Variants in DNA2 observed in about 807,000 individuals in gnomAD.
DNA2 encodes the protein DNA replication ATP-dependent helicase/nuclease DNA2.
Under a neutral mutation model 119.1 loss-of-function variants are expected in DNA2, and 101 were observed. The observed-to-expected ratio is 0.85, with a 90% confidence interval of 0.72 to 1.00. DNA2 has a LOEUF of 1.00. Ranked by LOEUF, DNA2 falls within the 50% of genes least tolerant of loss-of-function variation. The pLI, the probability that DNA2 is intolerant of heterozygous loss-of-function variation, is 0.00. For synonymous variants in DNA2, 366 were observed against 424.4 expected, an observed-to-expected ratio of 0.86 and a Z score of 1.69; for missense variants, 1,121 against 1,255.5, an observed-to-expected ratio of 0.89 and a Z score of 1.62.
At chr10:68,426,257 G>A (rs542707311) in intron 14 of DNA2, among the ~76,000 whole-genome samples, 2 of 152,008 alleles carry the variant, frequency 1.3e-5, no homozygotes, top group South Asian at 2.1e-4. Flanking sequence ...ACCTTTTGCA[G>A]CCGGGCACAG....
intron 4 of DNA2, 47 bp from the exon 5 acceptor site, chr10:68,459,282 G>A (rs373868964): frequency 2.0e-5 from 29 of 1,459,922 alleles, no homozygotes; most frequent in Middle Eastern, 2.4e-4. Context: ...AGCGGTACCT[G>A]CCAAAAATAT....
intron 14 of DNA2, among the ~76,000 whole-genome samples, chr10:68,423,664 C>A (rs143564093): frequency 6.6e-6 from 1 of 152,336 alleles, no homozygotes; most frequent in East Asian, 1.9e-4. Context: ...CCCCACCAGG[C>A]GGGTGTCAGA....
rs777907327 is a variant in DNA2 at position 68,445,050 on chromosome 10, G to A, written c.1091C>T (p.Ser364Leu). The change falls in exon 8 of 21, where the codon TCA becomes TTA. Residue 364 changes from serine (S) to leucine (L), a missense_variant. By Grantham distance (145) the Ser-to-Leu change is moderately radical. Transcript: ENST00000358410. ...LLKLRNQMAF[S>L]LFHRISKSAT... ...AGATTTGCTAATACGGTGAAACAAT[G>A]AGAATGCCATCTGGTTTCTTAGCTT... 5.6e-6 allele frequency: 9 copies of A among 1,608,524 alleles called. No individual in the cohort carries two copies. The Admixed American group carries it at 8.4e-5, about 15-fold the overall frequency.
rs1239555927 is a variant in DNA2, at chr10:68,432,500, C to T, written c.1657G>A (p.Val553Ile). The T allele has an allele frequency of 1.3e-6, 2 of 1,549,582 alleles. No individual in the cohort carries two copies. The highest frequency in any genetic ancestry group is 1.7e-6 in the Non-Finnish European group (2 of 1,142,922). ...CTGAACAAAGTTGATTCTGGAAGGACCGACAAGTTTCTAAAACAACAAAAC... is the reference window on the plus strand; with the variant it reads ...CTGAACAAAGTTGATTCTGGAAGGATCGACAAGTTTCTAAAACAACAAAAC... ...VTCLLDRNLS[V>I]LPESTLFRLD... Residue 553 changes from valine (V) to isoleucine (I), a missense_variant, in exon 11 of 21, where the codon GTC becomes ATC. Coordinates refer to ENST00000358410, the MANE Select transcript of DNA2 (RefSeq NM_001080449.3).
chr10:68,440,427 A>G (rs1200067777), intron 9 of DNA2, among the ~76,000 whole-genome samples: 1 of 152,002 alleles, frequency 6.6e-6, no homozygotes, highest in Non-Finnish European at 1.5e-5. Flanking sequence ...CCTTGGGAGT[A>G]GCTGGGACTA....
chr10:68,422,534 C>T lies in DNA2; in HGVS notation c.2473G>A (p.Val825Met), dbSNP rs201513130. Residue 825 changes from valine to methionine, a missense_variant, in exon 16 of 21, where the codon GTG becomes ATG. Val to Met is a conservative substitution (Grantham distance 21). Coordinates refer to ENST00000358410, the MANE Select transcript of DNA2 (RefSeq NM_001080449.3). ...QNKSAVVQLT[V>M]QYRMNSKIMS... ...AAATACCTGTTCATTCTGTACTGCA[C>T]GGTTAACTGTACAACAGCACTCTTA... The T allele has an allele frequency of 2.4e-4, 395 of 1,613,958 alleles. 1 individual carries two copies. Among genetic ancestry groups the T allele is most frequent in the South Asian group, 8.2e-4 (75 of 91,082 alleles).
chr10:68,465,333 A>C lies in DNA2; in HGVS notation c.587+334T>G, dbSNP rs190525432. ...CACCTGGCCGTAAAGATGCACTTTGAAACCAGTTTCATCTTCTTCCCAACC... is the reference window on the plus strand; with the variant it reads ...CACCTGGCCGTAAAGATGCACTTTGCAACCAGTTTCATCTTCTTCCCAACC... On this transcript the variant is annotated intron_variant, in intron 4 of 20. Transcript: ENST00000358410. 2.8e-3 allele frequency among the ~76,000 whole-genome samples: 421 copies of C among 152,240 alleles called. 5 individuals carry two copies. The highest frequency in any genetic ancestry group is 9.6e-3 in the African/African-American group (398 of 41,556).
At chr10:68,429,769 A>G (rs926006561) in intron 14 of DNA2, among the ~76,000 whole-genome samples, 3 of 150,810 alleles carry the variant, frequency 2.0e-5, no homozygotes, top group African/African-American at 7.3e-5. Context: ...GTATAAATAA[A>G]CATTAAATAA....
chr10:68,462,481 C>G (rs2052272730), intron 4 of DNA2, among the ~76,000 whole-genome samples: 1 of 152,274 alleles, frequency 6.6e-6, no homozygotes, highest in Admixed American at 6.5e-5. Flanking sequence ...TAAACAAAAG[C>G]TCTTTCCAGT....
Position 68,459,095 on chromosome 10 carries a change from G to A in DNA2, c.719+9C>T. The stretch of plus-strand genomic sequence containing the variant: ...AAGACTATATATATAAACAAAATGT[G>A]TTTCTTACAGAGAGAGCTGCATCTG... On this transcript the variant is annotated intron_variant, in intron 5 of 20. Coordinates refer to ENST00000358410, the MANE Select transcript of DNA2 (RefSeq NM_001080449.3). 6.3e-7 allele frequency: 1 copy of A among 1,582,414 alleles called. No individual in the cohort carries two copies. Among genetic ancestry groups the A allele is most frequent in the Non-Finnish European group, 8.6e-7 (1 of 1,165,338 alleles).
intron 9 of DNA2, among the ~76,000 whole-genome samples, chr10:68,441,595 G>C (rs779635692): frequency 1.3e-5 from 2 of 152,164 alleles, no homozygotes; most frequent in Non-Finnish European, 2.9e-5. Flanking sequence ...GGCCAAGATG[G>C]TGAAACCCTG....
Position 68,432,526 on chromosome 10 carries a change from A to C in DNA2, c.1647-16T>G. The C allele has an allele frequency of 7.4e-7, 1 of 1,354,480 alleles. No homozygotes were observed. 83.9% of individuals were successfully genotyped at this position (1,354,480 alleles called of 1,614,324 possible). The stretch of plus-strand genomic sequence containing the variant: ...CGACAAGTTTCTAAAACAACAAAAC[A>C]AATATACATGAATGCTCGCCATTTC... On this transcript the variant is annotated splice_polypyrimidine_tract_variant and intron_variant, in intron 10 of 20. Coordinates refer to ENST00000358410, the MANE Select transcript of DNA2 (RefSeq NM_001080449.3).
intron 4 of DNA2, among the ~76,000 whole-genome samples, chr10:68,463,301 G>C (rs372349923): frequency 6.6e-6 from 1 of 151,768 alleles, no homozygotes. Flanking sequence ...AAATTCAGCC[G>C]GGCGTGGTGG....
chr10:68,418,982 TAA>T, intron 19 of DNA2, 50 bp downstream of exon 19: 2 of 1,516,630 alleles, frequency 1.3e-6, no homozygotes, highest in Non-Finnish European at 1.8e-6. Flanking sequence ...CCACAATTTT[TAA>T]AGAGAGAGAA....
At chr10:68,457,051 G>T (rs555469222) in intron 5 of DNA2, among the ~76,000 whole-genome samples, 5 of 151,274 alleles carry the variant, frequency 3.3e-5, no homozygotes, top group Non-Finnish European at 4.4e-5. Context: ...GGAGAATGGC[G>T]TGAACCCGGG....
Sources: gnomAD v4.1 joint callset for allele counts (sites outside exome capture counted in the v4.1 genomes callset) on GRCh38, gnomAD v4.1.1 for gene constraint, MANE v1.5 for transcripts, NCBI Gene and HGNC (gene_info 2026-07-23, HGNC 2026-07-21) for gene names.